Variants in INSYN2B observed in about 807,000 individuals in gnomAD.
INSYN2B encodes protein INSYN2B.
INSYN2B carries 16 observed loss-of-function variants against 41.2 expected under a neutral mutation model. The ratio of observed to expected loss-of-function variants is 0.39; its 90% confidence interval spans 0.26 to 0.59. The LOEUF (loss-of-function observed/expected upper bound fraction) is 0.59, where lower values mean the gene tolerates loss of function less well. INSYN2B is among the 20% of genes least tolerant of loss of function. The pLI is 0.57. For synonymous variants in INSYN2B, 245 were observed against 244.4 expected (o/e 1.00, Z -0.02); for missense variants, 608 against 646.4 (o/e 0.94, Z 0.64).
At chr5:169,887,711 T>C (rs1475137695) in intron 1 of INSYN2B, among the ~76,000 whole-genome samples, 1 of 152,216 alleles carries the variant, frequency 6.6e-6, no homozygotes, top group Non-Finnish European at 1.5e-5. Flanking sequence ...CTTGGAGCTC[T>C]TGTCTAATTA....
Position 169,932,910 on chromosome 5 carries a change from C to T in INSYN2B, c.-919+47367G>A, listed in dbSNP as rs190232387. ...AATATTCTAGTACCAATCCTGCATC[C>T]TCAAACTGTAGCAGTTCTATAAAAA... is the stretch of plus-strand genomic sequence containing the variant. On this transcript the variant is annotated intron_variant, in intron 1 of 3. Transcript: ENST00000377365. Among the ~76,000 whole-genome samples, 31 of 150,690 alleles carry T rather than the reference C, an allele frequency of 2.1e-4. 1 individual carries two copies. The highest frequency in any genetic ancestry group is 7.2e-4 in the African/African-American group (29 of 40,028).
chr5:169,933,642 G>A (rs1451353153), intron 1 of INSYN2B, among the ~76,000 whole-genome samples: 1 of 152,162 alleles, frequency 6.6e-6, no homozygotes, highest in African/African-American at 2.4e-5. Context: ...CTTGTGAGGA[G>A]TAACAGCTGT....
At chr5:169,903,592 G>A (rs1341429128) in intron 1 of INSYN2B, among the ~76,000 whole-genome samples, 1 of 152,150 alleles carries the variant, frequency 6.6e-6, no homozygotes, top group Non-Finnish European at 1.5e-5. Context: ...GTCACTTCAG[G>A]ACACAGTAGG....
intron 1 of INSYN2B, among the ~76,000 whole-genome samples, chr5:169,904,822 A>G (rs1774178510): frequency 6.6e-6 from 1 of 152,146 alleles, no homozygotes; most frequent in Non-Finnish European, 1.5e-5. Context: ...CCTAGTAGCA[A>G]CACATTTCTG....
chr5:169,889,982 A>T (rs1041426756), intron 1 of INSYN2B, among the ~76,000 whole-genome samples: 4 of 147,976 alleles, frequency 2.7e-5, no homozygotes, highest in African/African-American at 1.1e-4. Context: ...TTTACACCAC[A>T]CTTTACAACT....
rs535861519 is a variant in INSYN2B at position 169,903,837 on chromosome 5, T to C, written c.-918-19021A>G. Among the ~76,000 whole-genome samples the C allele has an allele frequency of 9.9e-5, 15 of 152,038 alleles. No homozygotes were observed. In the South Asian group the frequency reaches 3.1e-3, roughly 32 times the overall value. On this transcript the variant is annotated intron_variant, in intron 1 of 3. Transcript: ENST00000377365. Reference sequence around the variant, plus strand: ...AGGAGAAACTGGGCGGAGTGGCTCATGCCTGTAATCCCAGCACTTTGGGAG... The same window carrying C: ...AGGAGAAACTGGGCGGAGTGGCTCACGCCTGTAATCCCAGCACTTTGGGAG...
chr5:169,933,754 G>A (rs911188284), intron 1 of INSYN2B, among the ~76,000 whole-genome samples: 1 of 152,146 alleles, frequency 6.6e-6, no homozygotes, highest in Non-Finnish European at 1.5e-5. Context: ...CTTCCAGGCA[G>A]CTGCCAACCT....
intron 1 of INSYN2B, among the ~76,000 whole-genome samples, chr5:169,921,260 T>TA (rs1775161561): frequency 6.6e-6 from 1 of 152,236 alleles, no homozygotes; most frequent in Admixed American, 6.5e-5. Flanking sequence ...TGGATTAGAA[T>TA]ATTCAAGATC....
In INSYN2B at chr5:169,932,551, G is replaced by A. The variant is rs144564366; in HGVS notation, c.-919+47726C>T. Among the ~76,000 whole-genome samples, 672 of 152,282 alleles carry A rather than the reference G, an allele frequency of 4.4e-3. 3 individuals carry two copies. The highest frequency in any genetic ancestry group is 7.3e-3 in the Non-Finnish European group (496 of 68,026). On this transcript the variant is annotated intron_variant, in intron 1 of 3. Transcript: ENST00000377365. Reference sequence around the variant, plus strand: ...TGCATGCCTCACTGATGCTTTTGCCGTCAGTTTTGGGTTTTTTAGACCTGG... The same window carrying A: ...TGCATGCCTCACTGATGCTTTTGCCATCAGTTTTGGGTTTTTTAGACCTGG...
intron 1 of INSYN2B, among the ~76,000 whole-genome samples, chr5:169,907,353 G>A (rs1774340193): frequency 6.6e-6 from 1 of 152,204 alleles, no homozygotes; most frequent in African/African-American, 2.4e-5. Flanking sequence ...CTAGAAGGGA[G>A]CTCTTGGAAA....
chr5:169,933,578 CAATG>C (rs1019668678), intron 1 of INSYN2B, among the ~76,000 whole-genome samples: 7 of 152,220 alleles, frequency 4.6e-5, no homozygotes, highest in Non-Finnish European at 7.3e-5. Flanking sequence ...TTTTCAGAAA[CAATG>C]AATCTTTAGT....
chr5:169,904,531 G>A (rs962981513), intron 1 of INSYN2B, among the ~76,000 whole-genome samples: 1 of 152,020 alleles, frequency 6.6e-6, no homozygotes, highest in Non-Finnish European at 1.5e-5. Flanking sequence ...AGGTGGGAAG[G>A]GGTTGGCAGA....
At chr5:169,935,188 G>A (rs1775928588) in intron 1 of INSYN2B, among the ~76,000 whole-genome samples, 1 of 152,212 alleles carries the variant, frequency 6.6e-6, no homozygotes, top group Non-Finnish European at 1.5e-5. Flanking sequence ...AAGACAGTCT[G>A]CAGAGCAGCA....
intron 1 of INSYN2B, among the ~76,000 whole-genome samples, chr5:169,895,952 C>T (rs899410478): frequency 6.6e-6 from 1 of 152,244 alleles, no homozygotes; most frequent in East Asian, 1.9e-4. Context: ...CCGATTACCA[C>T]TACCCTTGTC....
Position 169,884,716 on chromosome 5 carries a change from G to C in INSYN2B, c.-818C>G, listed in dbSNP as rs1031723942. 5 of 152,484 alleles carry C rather than the reference G, an allele frequency of 3.3e-5. No homozygotes were observed. The highest frequency in any genetic ancestry group is 1.2e-4 in the African/African-American group (5 of 41,450). 9.4% of individuals were successfully genotyped at this position (152,484 alleles called of 1,614,324 possible). ...CGAAGTTCACATGTGGGCACGGTGA[G>C]CTACGTCTGCAGCCTCCATGATGAT... On this transcript the variant is annotated 5_prime_UTR_variant, in exon 2 of 4. Coordinates refer to ENST00000377365, the MANE Select transcript of INSYN2B (RefSeq NM_001129891.3).
chr5:169,978,390 T>TGG (rs1470325801), intron 1 of INSYN2B, among the ~76,000 whole-genome samples: 1 of 16,584 alleles, frequency 6.0e-5, no homozygotes, highest in Non-Finnish European at 1.5e-4. Context: ...TGTGTGTGTG[T>TGG]GTGGGGGGGG....
chr5:169,949,224 A>G (rs953683456), intron 1 of INSYN2B, among the ~76,000 whole-genome samples: 8 of 152,290 alleles, frequency 5.3e-5, no homozygotes, highest in Middle Eastern at 6.8e-3. Flanking sequence ...CTGCACGACT[A>G]CTATGTGCAG....
chr5:169,920,172 TCAAACC>T (rs1775095134), intron 1 of INSYN2B, among the ~76,000 whole-genome samples: 1 of 152,116 alleles, frequency 6.6e-6, no homozygotes, highest in African/African-American at 2.4e-5. Flanking sequence ...AGAGCTAGGT[TCAAACC>T]CAGGCAGTCC....
At chr5:169,971,001 G>A (rs1444569708) in intron 1 of INSYN2B, among the ~76,000 whole-genome samples, 5 of 152,116 alleles carry the variant, frequency 3.3e-5, no homozygotes, top group Admixed American at 6.5e-5. Flanking sequence ...GCAGCGGGGG[G>A]AGGACCTGCG....
Sources: gnomAD v4.1 joint callset for allele counts (sites outside exome capture counted in the v4.1 genomes callset) on GRCh38, gnomAD v4.1.1 for gene constraint, MANE v1.5 for transcripts, NCBI Gene and HGNC (gene_info 2026-07-23, HGNC 2026-07-21) for gene names.